The following DNAJA2 variants were observed in gnomAD, a reference collection of about 807,000 sequenced individuals.
DNAJA2 encodes DnaJ heat shock protein family (Hsp40) member A2.
A neutral mutation model predicts 49.3 loss-of-function variants in DNAJA2; 6 were observed. The ratio of observed to expected loss-of-function variants is 0.12; its 90% confidence interval spans 0.07 to 0.24. The LOEUF (loss-of-function observed/expected upper bound fraction) is 0.24, where lower values mean the gene tolerates loss of function less well. Among genes scored for constraint, DNAJA2 ranks in the 10% least tolerant of loss-of-function variants. The probability of loss-of-function intolerance (pLI) is 1.00; values close to 1 mark genes in which losing one functional copy is unlikely to be tolerated. For missense variants in DNAJA2, 347 were observed against 516.8 expected (o/e 0.67, Z 3.19); for synonymous variants, 160 against 172.7 (o/e 0.93, Z 0.58).
intron 2 of DNAJA2, 79 bp downstream of exon 2, chr16:46,971,817 G>T: frequency 1.6e-6 from 2 of 1,290,250 alleles, no homozygotes; most frequent in Non-Finnish European, 2.2e-6. Context: ...TTTTTTTCCT[G>T]CAACATTCCT....
chr16:46,969,270 T>C (rs1014654359), intron 3 of DNAJA2, among the ~76,000 whole-genome samples: 1 of 152,232 alleles, frequency 6.6e-6, no homozygotes, highest in Non-Finnish European at 1.5e-5. Flanking sequence ...AACTTAAAAC[T>C]GTTGTAGGCA....
At chr16:46,965,998 A>T (rs1192148718) in intron 5 of DNAJA2, among the ~76,000 whole-genome samples, 2 of 152,016 alleles carry the variant, frequency 1.3e-5, no homozygotes, top group African/African-American at 2.4e-5. Context: ...CTGGGGCAGG[A>T]GAATTACTTG....
intron 8 of DNAJA2, among the ~76,000 whole-genome samples, 160 bp from the exon 9 acceptor site, chr16:46,957,380 G>A (rs12719758): frequency 0.56 from 85,163 of 151,958 alleles, 25,384 homozygotes; most frequent in East Asian, 0.78. Context: ...TGAGGCGGGC[G>A]GATAATGAGG....
intron 8 of DNAJA2, among the ~76,000 whole-genome samples, chr16:46,957,944 C>T (rs529975329): frequency 2.0e-5 from 3 of 152,174 alleles, no homozygotes; most frequent in East Asian, 3.9e-4. Context: ...CTGCTTGGCC[C>T]CATCAACATT....
chr16:46,962,680 T>C (rs567559475), intron 6 of DNAJA2, among the ~76,000 whole-genome samples: 1 of 152,334 alleles, frequency 6.6e-6, no homozygotes, highest in South Asian at 2.1e-4. Flanking sequence ...ATCTTGTAAA[T>C]ATTTCATTCT....
chr16:46,964,876 A>C, intron 5 of DNAJA2, 69 bp from the exon 6 acceptor site: 2 of 1,273,282 alleles, frequency 1.6e-6, no homozygotes, highest in Non-Finnish European at 2.2e-6. Flanking sequence ...CTTATTCTTT[A>C]AATATGCTTT....
chr16:46,958,792 T>A (rs1469396412), intron 8 of DNAJA2: 7 of 466,298 alleles, frequency 1.5e-5, no homozygotes, highest in African/African-American at 2.0e-5. Context: ...AAATTTTTTT[T>A]AAATTAGCCA....
chr16:46,969,754 A>C (rs1962019650), intron 3 of DNAJA2, among the ~76,000 whole-genome samples: 1 of 152,258 alleles, frequency 6.6e-6, no homozygotes, highest in Non-Finnish European at 1.5e-5. Context: ...CATAGAATGC[A>C]GTATTATAAA....
In DNAJA2 at chr16:46,962,464, C is replaced by A. The variant is rs868276297; in HGVS notation, c.774+2147G>T. On this transcript the variant is annotated intron_variant, in intron 6 of 8. Coordinates refer to ENST00000317089, the MANE Select transcript of DNAJA2 (RefSeq NM_005880.4). Reference sequence around the variant, plus strand: ...TGCACTGCCAGACATCATTTGACAACGAACCCCAAACGACTCCAAGGATTC... The same window carrying A: ...TGCACTGCCAGACATCATTTGACAAAGAACCCCAAACGACTCCAAGGATTC... 3.9e-5 allele frequency among the ~76,000 whole-genome samples: 6 copies of A among 152,256 alleles called. No individual in the cohort carries two copies. In the South Asian group the frequency reaches 1.0e-3, roughly 26 times the overall value.
intron 3 of DNAJA2, among the ~76,000 whole-genome samples, chr16:46,970,825 G>C (rs1962035881): frequency 6.7e-6 from 1 of 149,302 alleles, no homozygotes; most frequent in Admixed American, 6.8e-5. Context: ...GATCACCTGA[G>C]GTTGGGAGTT....
At chr16:46,960,480 G>A (rs746457225) in intron 6 of DNAJA2, among the ~76,000 whole-genome samples, 1 of 152,086 alleles carries the variant, frequency 6.6e-6, no homozygotes, top group Non-Finnish European at 1.5e-5. Context: ...ATTTTTCAAC[G>A]CATTAAAAAT....
At position 46,972,110 on chromosome 16, in the gene DNAJA2, C is replaced by T. The variant is rs1300928932; in HGVS notation, c.79-155G>A. 6 of 622,212 alleles carry T rather than the reference C, an allele frequency of 9.6e-6. No individual in the cohort carries two copies. The Admixed American group carries it at 1.7e-4, about 18-fold the overall frequency. 38.5% of individuals were successfully genotyped at this position (622,212 alleles called of 1,614,324 possible). A position where few individuals can be genotyped will look rare whatever the true frequency, so the allele number is the denominator to read the frequency against. On this transcript the variant is annotated intron_variant, in intron 1 of 8. Coordinates refer to ENST00000317089, the MANE Select transcript of DNAJA2 (RefSeq NM_005880.4). ...GTAGGGATTCTTCGGCACTTTCTCG[C>T]GATACTGTTTACTAATGTAATATAA...
chr16:46,970,781 G>GT (rs2143662063), intron 3 of DNAJA2, among the ~76,000 whole-genome samples: 1 of 142,440 alleles, frequency 7.0e-6, no homozygotes, highest in African/African-American at 2.6e-5. Flanking sequence ...GCTCACGCCT[G>GT]TAATCCCAGC....
chr16:46,968,040 AAGAAC>A, intron 4 of DNAJA2, 39 bp downstream of exon 4: 1 of 1,497,930 alleles, frequency 6.7e-7, no homozygotes, highest in Non-Finnish European at 9.1e-7. Flanking sequence ...TGATACTTAA[AAGAAC>A]AGACAAAATG....
chr16:46,973,609 G>A lies in DNAJA2; in HGVS notation c.-37C>T, dbSNP rs767919490. ...GGGCAGTGCTCGGGGAGAAGGTGGC[G>A]AAGCAGACAGAGCGGAGTCGGGCCC... On this transcript the variant is annotated 5_prime_UTR_variant, in exon 1 of 9. Transcript: ENST00000317089. 1.3e-5 allele frequency: 20 copies of A among 1,581,982 alleles called. No individual in the cohort carries two copies. Among genetic ancestry groups the A allele is most frequent in the Middle Eastern group, 1.7e-4 (1 of 6,022 alleles).
chr16:46,958,379 G>T (rs1961846265), intron 8 of DNAJA2, among the ~76,000 whole-genome samples: 1 of 152,072 alleles, frequency 6.6e-6, no homozygotes, highest in Non-Finnish European at 1.5e-5. Flanking sequence ...CTAACATGGT[G>T]AAACCCTGTC....
At chr16:46,963,528 A>C (rs951176059) in intron 6 of DNAJA2, among the ~76,000 whole-genome samples, 11 of 150,582 alleles carry the variant, frequency 7.3e-5, no homozygotes, top group South Asian at 4.2e-4. Context: ...AAAAAAAAAA[A>C]CCCCAAAAAA....
chr16:46,970,836 C>T (rs1187046507), intron 3 of DNAJA2, among the ~76,000 whole-genome samples: 2 of 146,170 alleles, frequency 1.4e-5, no homozygotes, highest in African/African-American at 5.0e-5. Context: ...GTTGGGAGTT[C>T]GAGACCAGCA....
chr16:46,968,833 G>A (rs374195512), intron 3 of DNAJA2, among the ~76,000 whole-genome samples: 1 of 152,266 alleles, frequency 6.6e-6, no homozygotes, highest in African/African-American at 2.4e-5. Context: ...GATTGCTTGA[G>A]CCCAGAGTTC....
Sources: allele counts gnomAD v4.1 joint callset (sites outside exome capture counted in the v4.1 genomes callset), GRCh38; gene constraint gnomAD v4.1.1; transcripts MANE v1.5; gene names NCBI Gene and HGNC (gene_info 2026-07-23, HGNC 2026-07-21).